PCMT1: variants seen among roughly 807,000 people sequenced by gnomAD.
PCMT1 encodes the protein protein-L-isoaspartate (D-aspartate) O-methyltransferase.
PCMT1 carries 9 observed loss-of-function variants against 29.2 expected under a neutral mutation model. The ratio of observed to expected loss-of-function variants is 0.31; its 90% CI spans 0.19 to 0.54. PCMT1 has a LOEUF of 0.54. PCMT1 is among the 20% of genes least tolerant of loss of function. PCMT1 has a pLI of 0.95. For missense variants in PCMT1, 184 were observed against 282.2 expected (o/e 0.65, Z 2.49); for synonymous variants, 98 against 97.5 (o/e 1.00, Z -0.03).
intron 1 of PCMT1, among the ~76,000 whole-genome samples, chr6:149,758,710 A>G (rs1398645150): frequency 6.6e-6 from 1 of 152,148 alleles, no homozygotes; most frequent in East Asian, 1.9e-4. Context: ...TCTAAATACT[A>G]TGTATCAATT....
At chr6:149,750,303 C>G (rs1376641898) in intron 1 of PCMT1, 1 of 310,240 alleles carries the variant, frequency 3.2e-6, no homozygotes, top group African/African-American at 2.1e-5. Flanking sequence ...GGCGTGCCTT[C>G]GGGGTGGGAG....
chr6:149,779,253 A>G (rs1014795903), intron 3 of PCMT1, among the ~76,000 whole-genome samples: 1 of 151,648 alleles, frequency 6.6e-6, no homozygotes, highest in African/African-American at 2.4e-5. Flanking sequence ...TGTAAAACAT[A>G]TGGTGTAACA....
intron 1 of PCMT1, among the ~76,000 whole-genome samples, chr6:149,753,301 G>A (rs1462267792): frequency 1.3e-5 from 2 of 151,680 alleles, no homozygotes; most frequent in African/African-American, 4.8e-5. Context: ...AAAGGGGCCT[G>A]CTTACTAGAA....
chr6:149,771,238 C>T lies in PCMT1; in HGVS notation c.132C>T (p.Asn44=). Residue 44 remains asparagine (N), a synonymous_variant, in exon 2 of 8, where the codon AAC becomes AAT. Coordinates refer to ENST00000464889, the MANE Select transcript of PCMT1 (RefSeq NM_001360452.2). ...ATDRSHYAKC[N]PYMDSPQSIG... ...ACCGCTCCCACTATGCAAAATGTAACCCATACATGGATTCTCCACAATCAA... is the reference window on the plus strand; with the variant it reads ...ACCGCTCCCACTATGCAAAATGTAATCCATACATGGATTCTCCACAATCAA... 1 of 1,604,464 alleles carries T rather than the reference C, an allele frequency of 6.2e-7. No individual in the cohort carries two copies. Among genetic ancestry groups the T allele is most frequent in the East Asian group, 2.2e-5 (1 of 44,808 alleles).
chr6:149,749,739 G>C, upstream of PCMT1: 1 of 1,546,002 alleles, frequency 6.5e-7, no homozygotes, highest in Non-Finnish European at 8.7e-7. Flanking sequence ...TGCCGGGAGC[G>C]CGCAGTGGCG....
chr6:149,758,226 T>TTTTTTTTTTTTTTTTTTTTTC (rs1426060535), intron 1 of PCMT1, among the ~76,000 whole-genome samples: 1 of 142,356 alleles, frequency 7.0e-6, no homozygotes, highest in African/African-American at 2.7e-5. Flanking sequence ...TTTTTTTTTT[T>TTTTTTTTTTTTTTTTTTTTTC]CTGAGACAGA....
At chr6:149,810,562 A>C in intron 7 of PCMT1, 54 bp from the exon 8 acceptor site, 2 of 1,433,306 alleles carry the variant, frequency 1.4e-6, no homozygotes, top group Non-Finnish European at 1.9e-6. Flanking sequence ...TTATAAAGCC[A>C]AATTGGGTAG....
At chr6:149,780,887 A>G (rs1298453808) in intron 3 of PCMT1, among the ~76,000 whole-genome samples, 1 of 152,202 alleles carries the variant, frequency 6.6e-6, no homozygotes, top group African/African-American at 2.4e-5. Flanking sequence ...CAGATCATAT[A>G]TGAAAACTCT....
intron 1 of PCMT1, among the ~76,000 whole-genome samples, chr6:149,751,406 C>T (rs1432532403): frequency 1.3e-5 from 2 of 151,742 alleles, no homozygotes; most frequent in East Asian, 3.9e-4. Flanking sequence ...CCGTTATATG[C>T]CTAAATCTGT....
rs550102627 is a variant in PCMT1 at position 149,790,649 on chromosome 6, G to T, written c.297+591G>T. Among the ~76,000 whole-genome samples the T allele has an allele frequency of 2.6e-3, 400 of 151,970 alleles. 1 individual carries two copies. The highest frequency in any genetic ancestry group is 3.9e-3 in the Non-Finnish European group (264 of 67,966). ...ACAGTACTTGGTGGGGCATGTGGCT[G>T]GGGGAGACAGAGCAGTATAGCTGGT... On this transcript the variant is annotated intron_variant, in intron 4 of 7. Coordinates refer to ENST00000464889, the MANE Select transcript of PCMT1 (RefSeq NM_001360452.2).
At chr6:149,756,011 G>T (rs1319534510) in intron 1 of PCMT1, among the ~76,000 whole-genome samples, 1 of 152,130 alleles carries the variant, frequency 6.6e-6, no homozygotes, top group Non-Finnish European at 1.5e-5. Context: ...TTAGGATCTG[G>T]GAGAAAAGAT....
chr6:149,802,180 C>CT lies in PCMT1; in HGVS notation c.505-8dup, dbSNP rs11297063. The stretch of plus-strand genomic sequence containing the variant: ...AATCTGTAACTTGGTGATGTATGTG[C>CT]TTTTTTTTTTTTCTTTTAGCTAATA... On this transcript the variant is annotated intron_variant, in intron 6 of 7. Transcript: ENST00000464889. 20,630 of 1,236,790 alleles carry CT rather than the reference C, an allele frequency of 0.017. No individual in the cohort carries two copies. The highest frequency in any genetic ancestry group is 0.019 in the Non-Finnish European group (17,581 of 904,598). 76.6% of individuals were successfully genotyped at this position (1,236,790 alleles called of 1,614,324 possible).
At chr6:149,768,080 C>A (rs1404898071) in intron 1 of PCMT1, among the ~76,000 whole-genome samples, 1 of 150,244 alleles carries the variant, frequency 6.7e-6, no homozygotes, top group African/African-American at 2.5e-5. Context: ...AGGCATGAGC[C>A]ACCATGCCCG....
intron 3 of PCMT1, among the ~76,000 whole-genome samples, chr6:149,781,806 G>A (rs1017431648): frequency 2.0e-5 from 3 of 152,120 alleles, no homozygotes; most frequent in African/African-American, 7.2e-5. Flanking sequence ...GTAGTGTTAA[G>A]TACATTTACA....
chr6:149,789,680 C>A (rs967801338), intron 3 of PCMT1, among the ~76,000 whole-genome samples: 2 of 151,498 alleles, frequency 1.3e-5, no homozygotes, highest in African/African-American at 4.9e-5. Context: ...AGGGTGGAGA[C>A]TTTTCACTTA....
intron 7 of PCMT1, among the ~76,000 whole-genome samples, chr6:149,808,781 T>C (rs911599839): frequency 1.5e-4 from 22 of 151,598 alleles, no homozygotes; most frequent in Admixed American, 3.9e-4. Flanking sequence ...GGATTACAGG[T>C]GCATGCCACC....
At chr6:149,789,350 T>A (rs9689447) in intron 3 of PCMT1, among the ~76,000 whole-genome samples, 80,864 of 151,634 alleles carry the variant, frequency 0.53, 24,742 homozygotes, top group East Asian at 0.83. Context: ...TGCTGGAATG[T>A]CAGGCCTGAG....
intron 3 of PCMT1, among the ~76,000 whole-genome samples, chr6:149,784,663 T>C (rs1317427380): frequency 6.6e-6 from 1 of 152,030 alleles, no homozygotes. Flanking sequence ...GGGGTATCGC[T>C]GTGTTGCCCA....
At chr6:149,789,891 T>C in intron 3 of PCMT1, 63 bp from the exon 4 acceptor site, 1 of 1,121,864 alleles carries the variant, frequency 8.9e-7, no homozygotes, top group Non-Finnish European at 1.2e-6. Flanking sequence ...AGTTGGCAAC[T>C]TTATTTATAT....
Sources: allele counts gnomAD v4.1 joint callset (sites outside exome capture counted in the v4.1 genomes callset), GRCh38; gene constraint gnomAD v4.1.1; transcripts MANE v1.5; gene names NCBI Gene and HGNC (gene_info 2026-07-23, HGNC 2026-07-21).